FAM13A: variants seen among roughly 807,000 people sequenced by gnomAD.
The protein encoded by FAM13A is family with sequence similarity 13 member A, also known as protein FAM13A.
FAM13A carries 76 observed loss-of-function variants against 129.6 expected under a neutral mutation model. That is an observed-to-expected ratio of 0.59 (90% CI 0.49 to 0.71). FAM13A has a LOEUF of 0.71. FAM13A is among the 30% of genes least tolerant of loss of function. FAM13A has a pLI of 0.00. For missense variants in FAM13A, 1,108 were observed against 1,249.3 expected (o/e 0.89, Z 1.70); for synonymous variants, 443 against 449.9 (o/e 0.98, Z 0.20).
intron 5 of FAM13A, among the ~76,000 whole-genome samples, chr4:88,931,248 G>A (rs931265449): frequency 3.9e-5 from 6 of 152,166 alleles, no homozygotes; most frequent in African/African-American, 1.4e-4. Flanking sequence ...TACTCTCAAA[G>A]TGGCATCCAG....
intron 6 of FAM13A, among the ~76,000 whole-genome samples, chr4:88,865,215 AT>A (rs1740176653): frequency 6.6e-6 from 1 of 152,240 alleles, no homozygotes. Context: ...AGGAAAAGCC[AT>A]ATTGAGAAAT....
At chr4:88,740,139 TG>T (rs1269213525) in intron 19 of FAM13A, among the ~76,000 whole-genome samples, 3 of 152,170 alleles carry the variant, frequency 2.0e-5, no homozygotes, top group Non-Finnish European at 4.4e-5. Flanking sequence ...TACCCTGCCA[TG>T]GCTTCCTCTT....
intron 6 of FAM13A, among the ~76,000 whole-genome samples, chr4:88,883,061 TAGTC>T (rs1390632626): frequency 6.6e-6 from 1 of 152,138 alleles, no homozygotes; most frequent in Non-Finnish European, 1.5e-5. Flanking sequence ...AATACAATAA[TAGTC>T]AGAGACTTCA....
At chr4:89,042,014 G>A (rs958922606) in intron 1 of FAM13A, among the ~76,000 whole-genome samples, 5 of 151,908 alleles carry the variant, frequency 3.3e-5, no homozygotes, top group African/African-American at 9.7e-5. Flanking sequence ...TTCTGTTTGC[G>A]CTGGTAGGGA....
chr4:88,758,931 T>C (rs1057455538), intron 13 of FAM13A, 30 bp from the exon 14 acceptor site: 8 of 1,603,522 alleles, frequency 5.0e-6, no homozygotes, highest in South Asian at 2.2e-5. Flanking sequence ...TCCCCAAATA[T>C]CTACTGCTCA....
At chr4:88,958,419 C>T (rs1391543574) in intron 4 of FAM13A, among the ~76,000 whole-genome samples, 3 of 152,260 alleles carry the variant, frequency 2.0e-5, no homozygotes, top group African/African-American at 7.2e-5. Context: ...TCACTGCTCA[C>T]TGCATCTCAG....
At position 88,814,484 on chromosome 4, in the gene FAM13A, C is replaced by T. The variant is rs558061695; in HGVS notation, c.1008-9432G>A. Among the ~76,000 whole-genome samples the T allele has an allele frequency of 1.4e-3, 220 of 152,166 alleles. 2 individuals are homozygous for T. Among genetic ancestry groups the T allele is most frequent in the East Asian group, 1.4e-3 (7 of 5,184 alleles). On this transcript the variant is annotated intron_variant, in intron 7 of 23. Coordinates refer to ENST00000264344, the MANE Select transcript of FAM13A (RefSeq NM_014883.4). ...AATTGAGGGAGTTCAGCACCAGGGG[C>T]GCAGCAGTGACCTGCCAGAAAGCTG...
At chr4:88,788,094 T>G (rs1724350391) in intron 9 of FAM13A, among the ~76,000 whole-genome samples, 162 bp from the exon 10 acceptor site, 1 of 152,182 alleles carries the variant, frequency 6.6e-6, no homozygotes, top group Non-Finnish European at 1.5e-5. Context: ...AAAAAATATC[T>G]GCATTATGTG....
intron 6 of FAM13A, among the ~76,000 whole-genome samples, chr4:88,897,682 G>A (rs937534009): frequency 6.6e-6 from 1 of 152,128 alleles, no homozygotes; most frequent in African/African-American, 2.4e-5. Flanking sequence ...TAATACCAAG[G>A]ATAGGCATCA....
At chr4:88,925,560 TG>T (rs1218420914) in intron 5 of FAM13A, among the ~76,000 whole-genome samples, 14 of 37,508 alleles carry the variant, frequency 3.7e-4, no homozygotes, top group Non-Finnish European at 1.9e-4. Flanking sequence ...TGTTGTGGGG[TG>T]GGGGGAGGGG....
At chr4:89,039,907 C>T (rs1475662396) in intron 1 of FAM13A, among the ~76,000 whole-genome samples, 2 of 151,534 alleles carry the variant, frequency 1.3e-5, no homozygotes, top group Admixed American at 6.6e-5. Context: ...GAGCTACGAT[C>T]ACACCACTGA....
chr4:88,849,400 T>C (rs78248153), intron 7 of FAM13A, among the ~76,000 whole-genome samples: 1,817 of 152,276 alleles, frequency 0.012, 44 homozygotes, highest in African/African-American at 0.041. Context: ...CAAACTTTCA[T>C]TGGCTTCGTA....
chr4:88,976,950 T>C (rs1012836439), intron 4 of FAM13A, among the ~76,000 whole-genome samples: 1 of 152,134 alleles, frequency 6.6e-6, no homozygotes, highest in African/African-American at 2.4e-5. Context: ...CTATACCATA[T>C]AGCTTAGGTG....
Position 88,945,795 on chromosome 4 carries a change from A to G in FAM13A, c.606-7554T>C, listed in dbSNP as rs1755594006. Reference sequence around the variant, plus strand: ...ATACTATGTGGTTGTATATATATATATAAGTATATATATATTATATATATA... The same window carrying G: ...ATACTATGTGGTTGTATATATATATGTAAGTATATATATATTATATATATA... On this transcript the variant is annotated intron_variant, in intron 4 of 23. Coordinates refer to ENST00000264344, the MANE Select transcript of FAM13A (RefSeq NM_014883.4). Among the ~76,000 whole-genome samples the G allele has an allele frequency of 8.3e-5, 12 of 143,802 alleles. 1 individual carries two copies. In the South Asian group the frequency reaches 2.6e-3, roughly 31 times the overall value. The allele number at this position is 143,802 out of a possible 152,430, so 94.3% of individuals were successfully genotyped here.
chr4:88,881,867 TA>T (rs1188267410), intron 6 of FAM13A, among the ~76,000 whole-genome samples: 1 of 151,962 alleles, frequency 6.6e-6, no homozygotes, highest in Non-Finnish European at 1.5e-5. Context: ...ATCAAACAGG[TA>T]GAAGAAGGAA....
At chr4:88,817,980 A>C (rs549295957) in intron 7 of FAM13A, among the ~76,000 whole-genome samples, 52 of 151,864 alleles carry the variant, frequency 3.4e-4, no homozygotes, top group Non-Finnish European at 6.6e-4. Context: ...CAAAACCAAA[A>C]CTATCACTTT....
chr4:88,920,447 G>A (rs1343595726), intron 5 of FAM13A, among the ~76,000 whole-genome samples: 1 of 152,202 alleles, frequency 6.6e-6, no homozygotes, highest in Non-Finnish European at 1.5e-5. Context: ...ACAGGGTCTG[G>A]AGTGGACCTC....
intron 5 of FAM13A, among the ~76,000 whole-genome samples, chr4:88,928,854 C>T (rs2704587): frequency 0.75 from 113,656 of 151,910 alleles, 42,782 homozygotes; most frequent in Non-Finnish European, 0.79. Flanking sequence ...TTGTTAATTG[C>T]TTTCAAATTG....
intron 5 of FAM13A, among the ~76,000 whole-genome samples, chr4:88,916,041 A>T (rs1750063499): frequency 6.6e-6 from 1 of 152,040 alleles, no homozygotes; most frequent in Middle Eastern, 3.4e-3. Flanking sequence ...TTTATAAATT[A>T]AAAAAAAGAA....
Sources: allele counts gnomAD v4.1 joint callset (sites outside exome capture counted in the v4.1 genomes callset), GRCh38; gene constraint gnomAD v4.1.1; transcripts MANE v1.5; gene names NCBI Gene and HGNC (gene_info 2026-07-23, HGNC 2026-07-21).